The following SHROOM3 variants were observed in gnomAD, a reference collection of about 807,000 sequenced individuals.
SHROOM3 encodes shroom family member 3, also known as protein Shroom3.
In SHROOM3, 47 loss-of-function variants were observed where a neutral mutation model predicts 138.6. The observed-to-expected ratio is 0.34, with a 90% CI of 0.27 to 0.43. The LOEUF is 0.43. Ranked by LOEUF, SHROOM3 falls within the 20% of genes least tolerant of loss-of-function variation. The probability of loss-of-function intolerance (pLI) is 1.00; values close to 1 mark genes in which losing one functional copy is unlikely to be tolerated. For missense variants in SHROOM3, 2,491 were observed against 2,596.5 expected (o/e 0.96, Z 0.88); for synonymous variants, 1,062 against 1,063.3 (o/e 1.00, Z 0.02).
intron 2 of SHROOM3, among the ~76,000 whole-genome samples, chr4:76,568,605 T>C (rs929647280): frequency 2.7e-4 from 41 of 152,142 alleles, no homozygotes; most frequent in African/African-American, 9.7e-4. Flanking sequence ...TGTATCTTCT[T>C]AGTAAGGTAG....
At chr4:76,460,827 C>CAAAAACAAAAAAAAAAAAAAA (rs1731125637) in intron 1 of SHROOM3, among the ~76,000 whole-genome samples, 1 of 78,770 alleles carries the variant, frequency 1.3e-5, no homozygotes, top group Non-Finnish European at 2.4e-5. Flanking sequence ...CCCGTATCTA[C>CAAAAACAAAAAAAAAAAAAAA]AAAAAAAAAA....
chr4:76,622,195 T>C (rs1324302878), intron 2 of SHROOM3, among the ~76,000 whole-genome samples: 1 of 152,122 alleles, frequency 6.6e-6, no homozygotes, highest in Non-Finnish European at 1.5e-5. Flanking sequence ...GGCACTCCTA[T>C]GCTTGATGTC....
intron 9 of SHROOM3, among the ~76,000 whole-genome samples, chr4:76,765,001 A>G (rs551438183): frequency 6.6e-6 from 1 of 152,138 alleles, no homozygotes; most frequent in South Asian, 2.1e-4. Context: ...TTGTCCCACA[A>G]GCTCCATTCA....
intron 8 of SHROOM3, chr4:76,758,074 C>T (rs931669484): frequency 3.9e-5 from 6 of 152,194 alleles, no homozygotes; most frequent in Non-Finnish European, 8.8e-5. Flanking sequence ...TTGTCAGAGG[C>T]TCTTCTGATT....
At chr4:76,729,610 C>G (rs1720817580) in intron 3 of SHROOM3, among the ~76,000 whole-genome samples, 1 of 152,106 alleles carries the variant, frequency 6.6e-6, no homozygotes, top group African/African-American at 2.4e-5. Context: ...GTTAATCCAG[C>G]CTCTGATTAA....
chr4:76,465,184 A>G (rs1362973018), intron 1 of SHROOM3, among the ~76,000 whole-genome samples: 1 of 152,246 alleles, frequency 6.6e-6, no homozygotes, highest in Non-Finnish European at 1.5e-5. Context: ...ATATGTCTAC[A>G]TATGTATGTA....
intron 3 of SHROOM3, among the ~76,000 whole-genome samples, chr4:76,713,909 A>G (rs559857037): frequency 8.5e-5 from 13 of 152,352 alleles, no homozygotes; most frequent in African/African-American, 3.1e-4. Context: ...CTGTCCCCCA[A>G]GAAGTCTCTC....
intron 2 of SHROOM3, among the ~76,000 whole-genome samples, chr4:76,573,017 G>A (rs1280945326): frequency 1.3e-5 from 2 of 151,736 alleles, no homozygotes; most frequent in Non-Finnish European, 2.9e-5. Context: ...AAGAGGAGAG[G>A]TTGCAGTGAG....
intron 1 of SHROOM3, among the ~76,000 whole-genome samples, chr4:76,540,746 G>A (rs1473507315): frequency 1.3e-5 from 2 of 152,220 alleles, no homozygotes; most frequent in South Asian, 2.1e-4. Flanking sequence ...TGCTGGCACT[G>A]ATTTAGTTTC....
chr4:76,552,018 C>A (rs978305250), intron 1 of SHROOM3, among the ~76,000 whole-genome samples: 1 of 114,898 alleles, frequency 8.7e-6, no homozygotes, highest in Non-Finnish European at 1.8e-5. Context: ...CCCGCCATCA[C>A]GCCCGGCTAA....
intron 2 of SHROOM3, among the ~76,000 whole-genome samples, chr4:76,557,370 G>A (rs1481819517): frequency 3.3e-5 from 5 of 151,938 alleles, no homozygotes; most frequent in South Asian, 2.1e-4. Context: ...TCACAGAACC[G>A]TAAAAACTGT....
chr4:76,485,885 T>C (rs1731718834), intron 1 of SHROOM3, among the ~76,000 whole-genome samples: 1 of 152,240 alleles, frequency 6.6e-6, no homozygotes, highest in Non-Finnish European at 1.5e-5. Context: ...ACAACTAGTT[T>C]TGGGAATTTG....
rs1553954321 is a variant in SHROOM3, at chr4:76,775,343, T to TGTGTGTGTGTAA, written c.5623-3466_5623-3465insGTGTGTGTGTAA. Among the ~76,000 whole-genome samples the TGTGTGTGTGTAA allele has an allele frequency of 3.3e-5, 5 of 151,652 alleles. No individual in the cohort carries two copies. In the East Asian group the frequency reaches 9.7e-4, roughly 30 times the overall value. On this transcript the variant is annotated intron_variant, in intron 10 of 10. Coordinates refer to ENST00000296043, the MANE Select transcript of SHROOM3 (RefSeq NM_020859.4). Reference sequence around the variant, plus strand: ...TGGGGTGTGTGTGTGTGTGTGTGTGTAAACCACAATGTGATACCACCTTAC... The same window carrying TGTGTGTGTGTAA: ...TGGGGTGTGTGTGTGTGTGTGTGTGTGTGTGTGTGTAAAAACCACAATGTGATACCACCTTAC...
At chr4:76,471,880 G>A (rs1000794274) in intron 1 of SHROOM3, among the ~76,000 whole-genome samples, 1 of 148,972 alleles carries the variant, frequency 6.7e-6, no homozygotes, top group African/African-American at 2.5e-5. Context: ...TACCTAGGAA[G>A]AGTTGGGGGT....
chr4:76,700,591 T>C (rs1029360593), intron 2 of SHROOM3, among the ~76,000 whole-genome samples: 2 of 152,156 alleles, frequency 1.3e-5, no homozygotes, highest in African/African-American at 4.8e-5. Flanking sequence ...TTCCCATTAA[T>C]TTATAATTCC....
At chr4:76,489,201 A>G (rs567455750) in intron 1 of SHROOM3, among the ~76,000 whole-genome samples, 1 of 152,364 alleles carries the variant, frequency 6.6e-6, no homozygotes, top group East Asian at 1.9e-4. Flanking sequence ...AGAAGATGTC[A>G]ACAGGCACAG....
Position 76,700,216 on chromosome 4 carries a change from C to T in SHROOM3, c.324-9940C>T, listed in dbSNP as rs117274147. ...GATCTGGAGTCAAATTCTTTTTTCACCAGCATTTGGACAAACTTCCTGCAC... is the reference window on the plus strand; with the variant it reads ...GATCTGGAGTCAAATTCTTTTTTCATCAGCATTTGGACAAACTTCCTGCAC... On this transcript the variant is annotated intron_variant, in intron 2 of 10. Transcript: ENST00000296043. Among the ~76,000 whole-genome samples, 506 of 152,262 alleles carry T rather than the reference C, an allele frequency of 3.3e-3. 23 individuals carry two copies. The East Asian group carries it at 0.09, about 27-fold the overall frequency.
chr4:76,689,042 T>C lies in SHROOM3; in HGVS notation c.324-21114T>C, dbSNP rs553209169. 26 of 687,514 alleles carry C rather than the reference T, an allele frequency of 3.8e-5. No homozygotes were observed. The South Asian group carries it at 1.0e-3, about 28-fold the overall frequency. The allele number at this position is 687,514 out of a possible 1,614,324, so 42.6% of individuals were successfully genotyped here. A position where few individuals can be genotyped will look rare whatever the true frequency, so the allele number is the denominator to read the frequency against. On this transcript the variant is annotated intron_variant, in intron 2 of 10. Transcript: ENST00000296043. ...TTGATCAATTACTAACTGTATAGCCTCTGAAAAGCGAGCGCGGGCTTCTTA... is the reference window on the plus strand; with the variant it reads ...TTGATCAATTACTAACTGTATAGCCCCTGAAAAGCGAGCGCGGGCTTCTTA...
At chr4:76,637,221 A>G (rs531562830) in intron 2 of SHROOM3, among the ~76,000 whole-genome samples, 1 of 152,356 alleles carries the variant, frequency 6.6e-6, no homozygotes, top group Admixed American at 6.5e-5. Context: ...TTTTCCAAAG[A>G]AAGAAAATAT....
Sources: gnomAD v4.1 joint callset for allele counts (sites outside exome capture counted in the v4.1 genomes callset) on GRCh38, gnomAD v4.1.1 for gene constraint, MANE v1.5 for transcripts, NCBI Gene and HGNC (gene_info 2026-07-23, HGNC 2026-07-21) for gene names.